Variants in SDAD1 observed in about 807,000 individuals in gnomAD.
SDAD1 encodes protein SDA1 homolog.
In SDAD1, 79 loss-of-function variants were observed where a neutral mutation model predicts 100.3. That is an observed-to-expected ratio of 0.79 (90% confidence interval 0.66 to 0.95). SDAD1 has a LOEUF of 0.95. Ranked by LOEUF, SDAD1 falls within the 40% of genes least tolerant of loss-of-function variation. SDAD1 has a pLI of 0.00. For missense variants in SDAD1, 790 were observed against 810.9 expected, an observed-to-expected ratio of 0.97 and a Z score of 0.31; for synonymous variants, 267 against 271.4, an observed-to-expected ratio of 0.98 and a Z score of 0.16.
In SDAD1 at chr4:75,950,139, G is replaced by GT. The variant is rs1372651114; in HGVS notation, c.*610_*611insA. 1 of 136,932 alleles carries GT rather than the reference G, an allele frequency of 7.3e-6. No homozygotes were observed. Among genetic ancestry groups the GT allele is most frequent in the Non-Finnish European group, 1.6e-5 (1 of 62,902 alleles). The allele number at this position is 136,932 out of a possible 1,614,324, so 8.5% of individuals were successfully genotyped here. Reference sequence around the variant, plus strand: ...AAACAAAAACAAAAAAAACACGGGGGGGGGGGGGTCACTTAAATCTCTTGG... The same window carrying GT: ...AAACAAAAACAAAAAAAACACGGGGGTGGGGGGGGTCACTTAAATCTCTTGG... On this transcript the variant is annotated 3_prime_UTR_variant, in exon 22 of 22. Transcript: ENST00000356260.
intron 3 of SDAD1, among the ~76,000 whole-genome samples, chr4:75,980,018 C>T (rs941838188): frequency 6.6e-6 from 1 of 151,894 alleles, no homozygotes; most frequent in African/African-American, 2.4e-5. Flanking sequence ...TTAATAATGC[C>T]CACAGACCAG....
intron 14 of SDAD1, among the ~76,000 whole-genome samples, chr4:75,962,375 T>C (rs997344080): frequency 7.2e-5 from 11 of 152,242 alleles, no homozygotes; most frequent in African/African-American, 2.7e-4. Flanking sequence ...GCATGTGTCT[T>C]TACATCAGCA....
At chr4:75,951,072 T>C (rs1296282419) in intron 21 of SDAD1, among the ~76,000 whole-genome samples, 1 of 152,194 alleles carries the variant, frequency 6.6e-6, no homozygotes, top group African/African-American at 2.4e-5. Flanking sequence ...TACTATTTAT[T>C]ATCCCTGTCT....
intron 8 of SDAD1, 65 bp downstream of exon 8, chr4:75,973,252 T>C: frequency 7.5e-7 from 1 of 1,336,812 alleles, no homozygotes; most frequent in South Asian, 1.2e-5. Context: ...AGTCATAGAC[T>C]TTACAATGTG....
In SDAD1 at chr4:75,957,923, C is replaced by T. The variant is rs1310676271; in HGVS notation, c.1502G>A (p.Ser501Asn). The change falls in exon 18 of 22, where the codon AGT (serine) becomes AAT (asparagine). Residue 501 changes from serine to asparagine, a missense_variant. Transcript: ENST00000356260. ...ENDEDGWESTSLSEEEDADGE... is the reference protein window; with the variant it reads ...ENDEDGWESTNLSEEEDADGE... Reference sequence around the variant, plus strand: ...ATCAGCATCCTCCTCCTCACTGAGACTGGTACTTTCCCATCCATCTGCGTG... The same window carrying T: ...ATCAGCATCCTCCTCCTCACTGAGATTGGTACTTTCCCATCCATCTGCGTG... 6.2e-7 allele frequency: 1 copy of T among 1,612,848 alleles called. No homozygotes were observed. Among genetic ancestry groups the T allele is most frequent in the South Asian group, 1.1e-5 (1 of 91,024 alleles).
chr4:75,969,344 C>T lies in SDAD1; in HGVS notation c.939G>A (p.Val313=). 3 of 1,613,876 alleles carry T rather than the reference C, an allele frequency of 1.9e-6. No homozygotes were observed. The highest frequency in any genetic ancestry group is 2.7e-5 in the African/African-American group (2 of 75,032). ...AGATAAGGTTCATGAGCATCATCTTCACTTCAAACCTCTCCTTACAGCACT... is the reference window on the plus strand; with the variant it reads ...AGATAAGGTTCATGAGCATCATCTTTACTTCAAACCTCTCCTTACAGCACT... ...QLECCKERFE[V]KMMLMNLISR... Residue 313 remains valine, a synonymous_variant, in exon 11 of 22, where the codon GTG becomes GTA. Coordinates refer to ENST00000356260, the MANE Select transcript of SDAD1 (RefSeq NM_018115.4).
chr4:75,969,100 A>G (rs558075752), intron 11 of SDAD1, among the ~76,000 whole-genome samples, 196 bp downstream of exon 11: 1 of 152,052 alleles, frequency 6.6e-6, no homozygotes, highest in Non-Finnish European at 1.5e-5. Flanking sequence ...ATATGTACAA[A>G]TTAACATCCA....
In SDAD1 at chr4:75,967,339, G is replaced by A; in HGVS notation, c.988-5C>T. 3.7e-6 allele frequency: 6 copies of A among 1,613,828 alleles called. No individual in the cohort carries two copies. The highest frequency in any genetic ancestry group is 5.1e-6 in the Non-Finnish European group (6 of 1,179,846). On this transcript the variant is annotated splice_region_variant and splice_polypyrimidine_tract_variant and intron_variant, in intron 11 of 21. Transcript: ENST00000356260. ...ATAGAAATTGAAGAGGAAAAGCTGT[G>A]GAGAGAAAACCGACTTTAATACTGA...
At chr4:75,958,073 T>C (rs1729008815) in intron 17 of SDAD1, 132 bp from the exon 18 acceptor site, 1 of 749,896 alleles carries the variant, frequency 1.3e-6, no homozygotes, top group South Asian at 1.6e-5. Context: ...GAGCAATATT[T>C]ATTGTTAAAT....
intron 1 of SDAD1, among the ~76,000 whole-genome samples, chr4:75,984,256 G>A (rs191783177): frequency 3.5e-4 from 53 of 152,012 alleles, no homozygotes; most frequent in African/African-American, 1.2e-3. Flanking sequence ...CAAACTCCTG[G>A]GCTCAAGAGG....
chr4:75,976,773 C>T (rs995283236), intron 4 of SDAD1, among the ~76,000 whole-genome samples: 1 of 152,086 alleles, frequency 6.6e-6, no homozygotes, highest in African/African-American at 2.4e-5. Flanking sequence ...TTACCAAGCA[C>T]CTAACTGCAT....
At chr4:75,982,632 C>T (rs139474429) in intron 1 of SDAD1, among the ~76,000 whole-genome samples, 69 of 152,056 alleles carry the variant, frequency 4.5e-4, no homozygotes, top group African/African-American at 1.7e-3. Flanking sequence ...CTAGGCAACA[C>T]GGAGGCCCTG....
At chr4:75,973,972 G>T in intron 7 of SDAD1, 104 bp downstream of exon 7, 2 of 886,934 alleles carry the variant, frequency 2.3e-6, no homozygotes, top group East Asian at 2.5e-5. Context: ...CTGCATGCCT[G>T]GTGTGCAGGC....
chr4:75,959,116 A>AAAC (rs1729081461), intron 17 of SDAD1, among the ~76,000 whole-genome samples: 1 of 145,250 alleles, frequency 6.9e-6, no homozygotes, highest in Admixed American at 6.8e-5. Context: ...AAAAAAAAAA[A>AAAC]AAAAAAAAAA....
At chr4:75,984,597 T>G (rs768860901) in intron 1 of SDAD1, among the ~76,000 whole-genome samples, 1 of 152,184 alleles carries the variant, frequency 6.6e-6, no homozygotes, top group Non-Finnish European at 1.5e-5. Context: ...GCACTTGTTA[T>G]GTACTAAGCT....
intron 6 of SDAD1, 71 bp downstream of exon 6, chr4:75,975,673 T>A (rs1045136587): frequency 9.9e-7 from 1 of 1,013,914 alleles, no homozygotes; most frequent in African/African-American, 1.6e-5. Flanking sequence ...AAAGTATTTG[T>A]ATATGTGCTC....
At chr4:75,989,532 T>G (rs1295051392) in intron 1 of SDAD1, among the ~76,000 whole-genome samples, 1 of 152,208 alleles carries the variant, frequency 6.6e-6, no homozygotes, top group Non-Finnish European at 1.5e-5. Context: ...CTTAAGTGAA[T>G]TAAAGAAGTA....
At chr4:75,951,634 G>A (rs1728633813) in intron 21 of SDAD1, among the ~76,000 whole-genome samples, 1 of 152,138 alleles carries the variant, frequency 6.6e-6, no homozygotes, top group South Asian at 2.1e-4. Context: ...GATCCCCAGG[G>A]TAGAACTGGA....
intron 3 of SDAD1, among the ~76,000 whole-genome samples, chr4:75,978,371 T>C (rs924953151): frequency 2.0e-5 from 3 of 150,644 alleles, no homozygotes; most frequent in East Asian, 3.9e-4. Context: ...TTTTTTTTTT[T>C]CTATTTTTAA....
Sources: gnomAD v4.1 joint callset for allele counts (sites outside exome capture counted in the v4.1 genomes callset) on GRCh38, gnomAD v4.1.1 for gene constraint, MANE v1.5 for transcripts, NCBI Gene and HGNC (gene_info 2026-07-23, HGNC 2026-07-21) for gene names.